The following COL5A2 variants were observed in gnomAD, a reference collection of about 807,000 sequenced individuals.
COL5A2 encodes collagen type V alpha 2 chain.
In COL5A2, 23 loss-of-function variants were observed where a neutral mutation model predicts 208.2. The observed-to-expected ratio is 0.11, with a 90% CI of 0.08 to 0.16. COL5A2 has a LOEUF of 0.16. Ranked by LOEUF, COL5A2 falls within the 10% of genes least tolerant of loss-of-function variation. The pLI is 1.00. For missense variants in COL5A2, 1,590 were observed against 1,956.4 expected, an observed-to-expected ratio of 0.81 and a Z score of 3.53; for synonymous variants, 625 against 628.5, an observed-to-expected ratio of 0.99 and a Z score of 0.08.
the COL5A2 span, among the ~76,000 whole-genome samples, chr2:189,410,346 G>T: frequency 4.9e-4 from 75 of 152,158 alleles, no homozygotes; most frequent in Admixed American, 8.5e-4. Flanking sequence ...AAGTTGGGAG[G>T]ATTGCTCAAG....
At chr2:189,081,322 T>C (rs1396910319) in intron 12 of COL5A2, among the ~76,000 whole-genome samples, 1 of 152,160 alleles carries the variant, frequency 6.6e-6, no homozygotes, top group African/African-American at 2.4e-5. Context: ...TCACATGATA[T>C]CACTGTGTTA....
intron 1 of COL5A2, among the ~76,000 whole-genome samples, chr2:189,159,276 C>G (rs1034352677): frequency 1.3e-5 from 2 of 152,162 alleles, no homozygotes; most frequent in African/African-American, 2.4e-5. Flanking sequence ...CCCATTGGTT[C>G]TCTTCACAGG....
chr2:189,406,414 C>T, the COL5A2 span, among the ~76,000 whole-genome samples: 5 of 152,252 alleles, frequency 3.3e-5, no homozygotes, highest in South Asian at 6.2e-4. Flanking sequence ...TTAGAAATGT[C>T]TAAGATCATC....
At chr2:189,106,698 T>C (rs2105704185) in intron 2 of COL5A2, among the ~76,000 whole-genome samples, 1 of 150,620 alleles carries the variant, frequency 6.6e-6, no homozygotes, top group East Asian at 1.9e-4. Flanking sequence ...ATGCTTTTAG[T>C]ATTAAGCATA....
At chr2:189,124,332 T>A (rs1018532047) in intron 1 of COL5A2, among the ~76,000 whole-genome samples, 3 of 152,122 alleles carry the variant, frequency 2.0e-5, no homozygotes, top group African/African-American at 7.2e-5. Flanking sequence ...CACAGGATAT[T>A]GATGGGGGAA....
the COL5A2 span, among the ~76,000 whole-genome samples, chr2:189,275,753 A>G: frequency 5.5e-3 from 832 of 152,152 alleles, 5 homozygotes; most frequent in Non-Finnish European, 8.2e-3. Context: ...ACCCGTCCTA[A>G]TTACATTATT....
At chr2:189,383,342 G>A in the COL5A2 span, among the ~76,000 whole-genome samples, 10 of 152,152 alleles carry the variant, frequency 6.6e-5, no homozygotes, top group East Asian at 1.7e-3. Context: ...CTTCACTGGT[G>A]TTTCCTCCTC....
In COL5A2 at chr2:189,222,648, A is replaced by C. The variant is rs116380541; in HGVS notation, c.-42+2500T>G. ...CTACCAAGCAGACTGATCTTCAGAG[A>C]AACTAGGCTGGGCACTTGAGAAAGC... On this transcript the variant is annotated intron_variant, in intron 1 of 10. Coordinates refer to the COL5A2 transcript ENST00000649966. 1.9e-3 allele frequency among the ~76,000 whole-genome samples: 296 copies of C among 152,220 alleles called. 1 individual carries two copies. Among genetic ancestry groups the C allele is most frequent in the African/African-American group, 6.4e-3 (268 of 41,552 alleles).
the COL5A2 span, among the ~76,000 whole-genome samples, chr2:189,346,118 G>C: frequency 6.6e-6 from 1 of 152,158 alleles, no homozygotes; most frequent in East Asian, 1.9e-4. Flanking sequence ...CCAAATGCTA[G>C]CAAATGCTTG....
the COL5A2 span, among the ~76,000 whole-genome samples, chr2:189,404,599 G>C: frequency 1.3e-5 from 2 of 152,110 alleles, no homozygotes; most frequent in African/African-American, 4.8e-5. Context: ...GCAGATCATG[G>C]GACTTCTCAG....
At chr2:189,307,021 C>T in the COL5A2 span, among the ~76,000 whole-genome samples, 308 of 152,214 alleles carry the variant, frequency 2.0e-3, 2 homozygotes, top group East Asian at 0.031. Flanking sequence ...TTTTGTATGT[C>T]TTTGTCTGCC....
rs3084490 is a variant in COL5A2, at chr2:189,121,736, C to CAA, written c.98-11289_98-11288dup. Among the ~76,000 whole-genome samples, 76 of 77,664 alleles carry CAA rather than the reference C, an allele frequency of 9.8e-4. 7 individuals carry two copies. Among genetic ancestry groups the CAA allele is most frequent in the African/African-American group, 2.3e-3 (48 of 20,470 alleles). The allele number at this position is 77,664 out of a possible 152,430, so 51.0% of individuals were successfully genotyped here. A position where few individuals can be genotyped will look rare whatever the true frequency, so the allele number is the denominator to read the frequency against. ...TGGGTGACAGAGTGAGACTCCGTCT[C>CAA]AAAAAAAAAAAAAAAAAAAAAAAGC... On this transcript the variant is annotated intron_variant, in intron 1 of 53. Transcript: ENST00000374866.
chr2:189,342,203 T>C, the COL5A2 span, among the ~76,000 whole-genome samples: 1 of 150,992 alleles, frequency 6.6e-6, no homozygotes, highest in African/African-American at 2.4e-5. Context: ...TGCTCTTTTT[T>C]TTTTTTTTGG....
chr2:189,320,627 G>A, the COL5A2 span, among the ~76,000 whole-genome samples: 5,536 of 152,162 alleles, frequency 0.036, 115 homozygotes, highest in Admixed American at 0.05. Context: ...AAAAGAATAA[G>A]AAGAAATCAA....
At chr2:189,059,585 G>GGTTTTTTTTTTTTTTT (rs1553515032) in intron 31 of COL5A2, among the ~76,000 whole-genome samples, 1 of 28,594 alleles carries the variant, frequency 3.5e-5, no homozygotes, top group Non-Finnish European at 7.4e-5. Context: ...TTCTTTTCTG[G>GGTTTTTTTTTTTTTTT]TTTTTTTTTT....
chr2:189,403,923 G>A, the COL5A2 span, among the ~76,000 whole-genome samples: 1 of 151,958 alleles, frequency 6.6e-6, no homozygotes, highest in East Asian at 1.9e-4. Flanking sequence ...AATAGAGACA[G>A]GGTTTCACCA....
At chr2:189,096,539 G>A (rs1032423688) in intron 6 of COL5A2, among the ~76,000 whole-genome samples, 1 of 148,982 alleles carries the variant, frequency 6.7e-6, no homozygotes, top group African/African-American at 2.5e-5. Flanking sequence ...GGAGAATGGC[G>A]TGAACCAGGG....
chr2:189,053,074 T>G, intron 38 of COL5A2, 56 bp from the exon 39 acceptor site: 1 of 1,282,942 alleles, frequency 7.8e-7, no homozygotes, highest in South Asian at 1.2e-5. Context: ...ACAAATTACT[T>G]TAGAGTAATT....
the COL5A2 span, among the ~76,000 whole-genome samples, chr2:189,315,613 T>A: frequency 6.6e-6 from 1 of 152,082 alleles, no homozygotes; most frequent in Admixed American, 6.5e-5. Flanking sequence ...AGAAAGGGTA[T>A]TCGAATAGGA....
Sources: gnomAD v4.1 joint callset for allele counts (sites outside exome capture counted in the v4.1 genomes callset) on GRCh38, gnomAD v4.1.1 for gene constraint, MANE v1.5 for transcripts, NCBI Gene and HGNC (gene_info 2026-07-23, HGNC 2026-07-21) for gene names.